TPH2: variants seen among roughly 807,000 people sequenced by gnomAD.
TPH2 encodes tryptophan hydroxylase 2.
In TPH2, 27 loss-of-function variants were observed where a neutral mutation model predicts 59.1. That is an observed-to-expected ratio of 0.46 (90% CI 0.34 to 0.63). TPH2 has a LOEUF of 0.63. TPH2 is among the 30% of genes least tolerant of loss of function. TPH2 has a pLI of 0.01. For synonymous variants in TPH2, 220 were observed against 210.5 expected (o/e 1.05, Z -0.39); for missense variants, 523 against 588.3 (o/e 0.89, Z 1.15).
intron 8 of TPH2, among the ~76,000 whole-genome samples, chr12:71,997,891 T>C (rs890104483): frequency 6.6e-6 from 1 of 152,180 alleles, no homozygotes; most frequent in Non-Finnish European, 1.5e-5. Context: ...TGGATTTAGC[T>C]GAACATTCAC....
chr12:72,025,611 TC>T (rs913725438), intron 9 of TPH2, among the ~76,000 whole-genome samples: 2 of 152,184 alleles, frequency 1.3e-5, no homozygotes, highest in African/African-American at 2.4e-5. Context: ...CACTACTTTT[TC>T]CCCCACAGCA....
intron 8 of TPH2, among the ~76,000 whole-genome samples, chr12:72,020,718 C>A (rs756634646): frequency 2.0e-5 from 3 of 152,118 alleles, no homozygotes; most frequent in Non-Finnish European, 4.4e-5. Flanking sequence ...AACTCCTGAC[C>A]TTAGGTGATC....
intron 5 of TPH2, among the ~76,000 whole-genome samples, chr12:71,957,559 A>T (rs954307314): frequency 3.3e-5 from 5 of 151,240 alleles, no homozygotes; most frequent in African/African-American, 1.2e-4. Context: ...CTAGTCTTGA[A>T]CTCTGGCCTC....
chr12:71,975,883 G>A (rs960582405), intron 6 of TPH2, among the ~76,000 whole-genome samples: 2 of 152,234 alleles, frequency 1.3e-5, no homozygotes, highest in Non-Finnish European at 2.9e-5. Flanking sequence ...GTCCCACAGA[G>A]CTATATGCAT....
At chr12:71,973,117 T>G (rs924798960) in intron 6 of TPH2, among the ~76,000 whole-genome samples, 1 of 152,224 alleles carries the variant, frequency 6.6e-6, no homozygotes, top group Non-Finnish European at 1.5e-5. Flanking sequence ...TGAATATTAG[T>G]GACTTTCCTC....
rs1370760814 is a variant in TPH2, at chr12:72,032,346, A to G, written c.*651A>G. On this transcript the variant is annotated 3_prime_UTR_variant, in exon 11 of 11. Coordinates refer to ENST00000333850, the MANE Select transcript of TPH2 (RefSeq NM_173353.4). ...AGCTTCCTGAAGTATTTTGGAAGAT[A>G]GTACTTCCGGAAAGGACATTAGGAA... is the stretch of plus-strand genomic sequence containing the variant. The G allele has an allele frequency of 6.5e-6, 1 of 154,158 alleles. No individual in the cohort carries two copies. 9.5% of individuals were successfully genotyped at this position (154,158 alleles called of 1,614,324 possible).
intron 8 of TPH2, 114 bp downstream of exon 8, chr12:71,994,679 G>A (rs1005308261): frequency 6.0e-6 from 8 of 1,323,346 alleles, no homozygotes; most frequent in Non-Finnish European, 8.5e-6. Flanking sequence ...AAAACATGGT[G>A]AATTTACCTT....
intron 7 of TPH2, among the ~76,000 whole-genome samples, chr12:71,982,085 C>T (rs10784946): frequency 0.57 from 81,114 of 142,606 alleles, 23,255 homozygotes; most frequent in African/African-American, 0.6. Context: ...CTCACGGCAA[C>T]CTCTGCCTCC....
intron 1 of TPH2, among the ~76,000 whole-genome samples, chr12:71,940,911 C>G (rs978839943): frequency 1.3e-5 from 2 of 152,144 alleles, no homozygotes; most frequent in Non-Finnish European, 2.9e-5. Context: ...CTGCCTTTCT[C>G]CTTTTTTCCT....
intron 5 of TPH2, 106 bp from the exon 6 acceptor site, chr12:71,972,413 G>T: frequency 9.4e-7 from 1 of 1,061,596 alleles, no homozygotes; most frequent in East Asian, 2.4e-5. Context: ...AGACGCTCAT[G>T]TGCTCCACTT....
Position 71,964,901 on chromosome 12 carries a change from C to T in TPH2, c.609-7618C>T, listed in dbSNP as rs141665617. 5.1e-4 allele frequency: 139 copies of T among 271,284 alleles called. 1 individual carries two copies. The Middle Eastern group carries it at 0.016, about 30-fold the overall frequency. The allele number at this position is 271,284 out of a possible 1,614,324, so 16.8% of individuals were successfully genotyped here. On this transcript the variant is annotated intron_variant, in intron 5 of 10. Transcript: ENST00000333850. The stretch of plus-strand genomic sequence containing the variant: ...CATCACCCAGGTGTTAAGCCTAGTA[C>T]CCAATAGTTTACTTTCCTGCTCCTC...
chr12:72,018,825 G>A (rs1873331885), intron 8 of TPH2, among the ~76,000 whole-genome samples: 2 of 152,176 alleles, frequency 1.3e-5, no homozygotes, highest in African/African-American at 4.8e-5. Flanking sequence ...GGAAAATTAT[G>A]CATCTATTAA....
intron 5 of TPH2, among the ~76,000 whole-genome samples, chr12:71,954,833 AT>A (rs11316791): frequency 0.81 from 123,013 of 151,030 alleles, 50,449 homozygotes; most frequent in East Asian, 0.94. Flanking sequence ...TGCATATTTA[AT>A]TTTTTTTTTC....
intron 5 of TPH2, chr12:71,962,161 C>T (rs1367317133): frequency 6.1e-6 from 6 of 986,584 alleles, no homozygotes; most frequent in African/African-American, 3.5e-5. Flanking sequence ...GATGAGTCCC[C>T]GTCAAGCCAC....
Position 72,016,629 on chromosome 12 carries a change from G to C in TPH2, c.1069-5770G>C, listed in dbSNP as rs149755963. On this transcript the variant is annotated intron_variant, in intron 8 of 10. Transcript: ENST00000333850. ...CTTCTTGCTTCCTGCCTATGTGCTA[G>C]ATATATAGTTAATGGAATTCTAGAT... Among the ~76,000 whole-genome samples the C allele has an allele frequency of 5.0e-3, 765 of 152,152 alleles. 9 individuals carry two copies. The highest frequency in any genetic ancestry group is 0.018 in the African/African-American group (731 of 41,522).
chr12:72,028,740 G>A (rs1048203757), intron 9 of TPH2, among the ~76,000 whole-genome samples: 3 of 152,164 alleles, frequency 2.0e-5, no homozygotes, highest in African/African-American at 7.2e-5. Context: ...GGGTGGAAAG[G>A]TCTCCAGCAG....
intron 8 of TPH2, among the ~76,000 whole-genome samples, chr12:72,017,425 T>G (rs1344839680): frequency 6.6e-6 from 1 of 152,246 alleles, no homozygotes; most frequent in African/African-American, 2.4e-5. Context: ...CTATCATTTC[T>G]GTTTTGGTTT....
chr12:72,010,430 G>A lies in TPH2; in HGVS notation c.1069-11969G>A, dbSNP rs1873070740. ...CCCCATTTACACATATAGATGCTTG[G>A]TGTCATCTCTGAGTATGAGAGATGA... On this transcript the variant is annotated intron_variant, in intron 8 of 10. Transcript: ENST00000333850. 2.0e-5 allele frequency among the ~76,000 whole-genome samples: 3 copies of A among 152,154 alleles called. 1 individual carries two copies. Among genetic ancestry groups the A allele is most frequent in the Admixed American group, 2.0e-4 (3 of 15,270 alleles).
chr12:71,990,730 A>G (rs1872562257), intron 7 of TPH2, among the ~76,000 whole-genome samples: 1 of 152,370 alleles, frequency 6.6e-6, no homozygotes, highest in South Asian at 2.1e-4. Context: ...CTTGAAATAC[A>G]GGTGCTTAAA....
Sources: allele counts gnomAD v4.1 joint callset (sites outside exome capture counted in the v4.1 genomes callset), GRCh38; gene constraint gnomAD v4.1.1; transcripts MANE v1.5; gene names NCBI Gene and HGNC (gene_info 2026-07-23, HGNC 2026-07-21).